Variants in AFF2 observed in about 807,000 individuals in gnomAD.
AFF2 encodes the protein AF4/FMR2 family member 2.
Under a neutral mutation model 76.9 loss-of-function variants are expected in AFF2, and 14 were observed. That is an observed-to-expected ratio of 0.18 (90% CI 0.12 to 0.28). The LOEUF is 0.28. AFF2 is among the 10% of genes least tolerant of loss of function. AFF2 has a pLI of 1.00. For synonymous variants in AFF2, 398 were observed against 366.7 expected, an observed-to-expected ratio of 1.09 and a Z score of -0.98; for missense variants, 868 against 1,001.1, an observed-to-expected ratio of 0.87 and a Z score of 1.79.
chrX:148,608,219 A>G (rs1462046921), intron 1 of AFF2, among the ~76,000 whole-genome samples: 3 of 111,809 alleles, frequency 2.7e-5, no homozygotes, highest in Non-Finnish European at 3.8e-5. Context: ...ACTGGTTTTG[A>G]CATACCCCAT....
At chrX:148,854,921 A>C (rs2070770681) in intron 7 of AFF2, among the ~76,000 whole-genome samples, 1 of 110,993 alleles carries the variant, frequency 9.0e-6, no homozygotes, top group Admixed American at 9.6e-5. Context: ...CATTCTTATA[A>C]AAGGATTTTG....
intron 4 of AFF2, among the ~76,000 whole-genome samples, chrX:148,829,040 G>A (rs782494593): frequency 3.8e-4 from 43 of 112,411 alleles, no homozygotes; most frequent in African/African-American, 1.3e-3. Flanking sequence ...TCCTGGATCC[G>A]AAGGAGAATA....
chrX:148,889,880 A>G (rs182523018), intron 8 of AFF2, among the ~76,000 whole-genome samples: 105 of 111,978 alleles, frequency 9.4e-4, no homozygotes, highest in African/African-American at 3.3e-3. Flanking sequence ...TGGGGATTCA[A>G]TGATTAGGTC....
rs781875097 is a variant in AFF2, at chrX:148,962,766, T to C, written c.2742T>C (p.Pro914=). ...ANRRKEEKLF[P]PPLSPLPEDP... ...GAAGAAAGGAAGAAAAACTATTTCCTCCTCCACTTTCCCCACTGCCAGAGG... is the reference window on the plus strand; with the variant it reads ...GAAGAAAGGAAGAAAAACTATTTCCCCCTCCACTTTCCCCACTGCCAGAGG... The change falls in exon 13 of 21, where the codon CCT becomes CCC. Residue 914 remains proline (P), a synonymous_variant. Transcript: ENST00000370460. 3 of 1,210,211 alleles carry C rather than the reference T, an allele frequency of 2.5e-6. No individual in the cohort carries two copies. In the East Asian group the frequency reaches 8.9e-5, roughly 36 times the overall value.
intron 1 of AFF2, among the ~76,000 whole-genome samples, chrX:148,630,234 G>C (rs2053966789): frequency 9.0e-6 from 1 of 111,339 alleles, no homozygotes; most frequent in Admixed American, 9.5e-5. Flanking sequence ...CACACAAAGG[G>C]CCTGAAGGTA....
At chrX:148,744,634 T>G (rs1418195119) in intron 3 of AFF2, among the ~76,000 whole-genome samples, 1 of 111,726 alleles carries the variant, frequency 9.0e-6, no homozygotes, top group Non-Finnish European at 1.9e-5. Context: ...ATGCCACCCC[T>G]TCTTAAATGA....
chrX:148,591,431 G>A (rs1305286032), intron 1 of AFF2, among the ~76,000 whole-genome samples: 5 of 112,291 alleles, frequency 4.5e-5, no homozygotes, highest in Non-Finnish European at 9.4e-5. Flanking sequence ...ACCAACAAGA[G>A]CCTCAGTTTC....
chrX:148,780,256 C>G (rs1414614282), intron 3 of AFF2, among the ~76,000 whole-genome samples: 1 of 111,441 alleles, frequency 9.0e-6, no homozygotes, highest in Non-Finnish European at 1.9e-5. Flanking sequence ...AGTATCTTAG[C>G]AGTGTTCTCT....
At chrX:148,626,604 C>A (rs1276870568) in intron 1 of AFF2, among the ~76,000 whole-genome samples, 1 of 110,604 alleles carries the variant, frequency 9.0e-6, no homozygotes, top group Non-Finnish European at 1.9e-5. Flanking sequence ...TGTCCAGGGC[C>A]ACACTAGCTC....
Position 148,996,079 on chromosome X carries a change from A to C in AFF2, c.*4747A>C, listed in dbSNP as rs1452069176. 3 of 112,691 alleles carry C rather than the reference A, an allele frequency of 2.7e-5. No homozygotes were observed. Among genetic ancestry groups the C allele is most frequent in the Non-Finnish European group, 5.6e-5 (3 of 53,337 alleles). 9.3% of individuals were successfully genotyped at this position (112,691 alleles called of 1,213,427 possible). ...TCCTGCATCACTCATGTGGCTACGA[A>C]AGTGTCTCTGAGAATAGAGCCCAAT... On this transcript the variant is annotated 3_prime_UTR_variant, in exon 21 of 21. Transcript: ENST00000370460.
In AFF2 at chrX:148,849,366, T is replaced by C. The variant is rs12391752; in HGVS notation, c.1262+5933T>C. 7.9e-3 allele frequency among the ~76,000 whole-genome samples: 70 copies of C among 8,823 alleles called. 2 individuals are homozygous for C. The highest frequency in any genetic ancestry group is 0.14 in the Middle Eastern group (2 of 14). The allele number at this position is 8,823 out of a possible 115,157, so 7.7% of individuals were successfully genotyped here. ...GGAAAGCAAATGTCTCTCTCTCTCCTCCCCCCCCCCCCCCCCCCCCGCTGA... is the reference window on the plus strand; with the variant it reads ...GGAAAGCAAATGTCTCTCTCTCTCCCCCCCCCCCCCCCCCCCCCCCGCTGA... On this transcript the variant is annotated intron_variant, in intron 7 of 20. Transcript: ENST00000370460.
intron 1 of AFF2, among the ~76,000 whole-genome samples, chrX:148,645,651 G>A (rs2054136905): frequency 8.9e-6 from 1 of 112,285 alleles, no homozygotes; most frequent in Non-Finnish European, 1.9e-5. Flanking sequence ...TGAGTGTTTG[G>A]TAGGCCAGTC....
At chrX:148,778,707 G>A (rs894464204) in intron 3 of AFF2, among the ~76,000 whole-genome samples, 4 of 110,870 alleles carry the variant, frequency 3.6e-5, no homozygotes, top group Non-Finnish European at 5.7e-5. Context: ...CCCCTTTATC[G>A]TTTTTTATTG....
chrX:148,513,898 G>A (rs557201519), intron 1 of AFF2, among the ~76,000 whole-genome samples: 1 of 110,902 alleles, frequency 9.0e-6, no homozygotes, highest in Non-Finnish European at 1.9e-5. Flanking sequence ...AATGATACGC[G>A]AGTCAGGAAC....
In AFF2 at chrX:148,995,130, C is replaced by T. The variant is rs940776368; in HGVS notation, c.*3798C>T. 2 of 111,738 alleles carry T rather than the reference C, an allele frequency of 1.8e-5. No individual in the cohort carries two copies. The highest frequency in any genetic ancestry group is 3.8e-5 in the Non-Finnish European group (2 of 53,106). 9.2% of individuals were successfully genotyped at this position (111,738 alleles called of 1,213,427 possible). On this transcript the variant is annotated 3_prime_UTR_variant, in exon 21 of 21. Transcript: ENST00000370460. ...TGTTACATGACTGGCAGACTAAATT[C>T]TTCATCGTTGTTGTTATTGTTGTTG...
At chrX:148,867,660 T>C (rs2070923205) in intron 7 of AFF2, among the ~76,000 whole-genome samples, 1 of 112,235 alleles carries the variant, frequency 8.9e-6, no homozygotes, top group South Asian at 3.8e-4. Flanking sequence ...CAGATGTTCA[T>C]TCGGCTTCTT....
intron 5 of AFF2, among the ~76,000 whole-genome samples, chrX:148,840,973 A>G (rs1178479044): frequency 8.9e-6 from 1 of 112,682 alleles, no homozygotes; most frequent in Non-Finnish European, 1.9e-5. Context: ...TAAAAATTGT[A>G]TCAAGAATAA....
rs782133382 is a variant in AFF2, at chrX:148,581,456, C to G, written c.48-70543C>G. Among the ~76,000 whole-genome samples, 15 of 60,892 alleles carry G rather than the reference C, an allele frequency of 2.5e-4. 2 individuals are homozygous for G. Among genetic ancestry groups the G allele is most frequent in the African/African-American group, 1.0e-3 (14 of 13,784 alleles). 52.9% of individuals were successfully genotyped at this position (60,892 alleles called of 115,157 possible). The stretch of plus-strand genomic sequence containing the variant: ...TGTACACACATATATACGTATACGT[C>G]TACGTGTACACACATATATACGTAT... On this transcript the variant is annotated intron_variant, in intron 1 of 20. Coordinates refer to ENST00000370460, the MANE Select transcript of AFF2 (RefSeq NM_002025.4).
chrX:148,983,791 CTA>C (rs2072424165), intron 19 of AFF2, among the ~76,000 whole-genome samples: 1 of 108,450 alleles, frequency 9.2e-6, no homozygotes. Flanking sequence ...TATCCTCATG[CTA>C]TATATGCTCT....
Sources: allele counts gnomAD v4.1 joint callset (sites outside exome capture counted in the v4.1 genomes callset), GRCh38; gene constraint gnomAD v4.1.1; transcripts MANE v1.5; gene names NCBI Gene and HGNC (gene_info 2026-07-23, HGNC 2026-07-21).